The following PPA1 variants were observed in gnomAD, a reference collection of about 807,000 sequenced individuals.
The protein encoded by PPA1 is inorganic pyrophosphatase 1, also known as inorganic pyrophosphatase.
Under a neutral mutation model 41.8 loss-of-function variants are expected in PPA1, and 23 were observed. The observed-to-expected ratio is 0.55, with a 90% CI of 0.40 to 0.78. PPA1 has a LOEUF of 0.78. Among genes scored for constraint, PPA1 ranks in the 30% least tolerant of loss-of-function variants. The pLI is 0.00. For synonymous variants in PPA1, 101 were observed against 116.8 expected (o/e 0.86, Z 0.87); for missense variants, 320 against 361.6 (o/e 0.89, Z 0.93).
At chr10:70,232,222 C>T (rs1393770904) in intron 1 of PPA1, among the ~76,000 whole-genome samples, 2 of 152,190 alleles carry the variant, frequency 1.3e-5, no homozygotes, top group Non-Finnish European at 2.9e-5. Flanking sequence ...GTCTCCTCTA[C>T]TCCCCGCTTC....
chr10:70,206,414 T>C, intron 8 of PPA1, 81 bp from the exon 9 acceptor site: 1 of 994,558 alleles, frequency 1.0e-6, no homozygotes, highest in Non-Finnish European at 1.6e-6. Flanking sequence ...TTGAAAGTGG[T>C]TGACCAGGTG....
At chr10:70,232,757 A>C (rs1840302046) in intron 1 of PPA1, among the ~76,000 whole-genome samples, 1 of 152,022 alleles carries the variant, frequency 6.6e-6, no homozygotes, top group African/African-American at 2.4e-5. Flanking sequence ...TCCGGGCCTC[A>C]GTTTTCCCGT....
chr10:70,221,945 GAAGGAAAAAAATAAC>G (rs1352666448), intron 2 of PPA1, among the ~76,000 whole-genome samples: 1 of 152,026 alleles, frequency 6.6e-6, no homozygotes, highest in Non-Finnish European at 1.5e-5. Flanking sequence ...TAATTAATGG[GAAGGAAAAAAATAAC>G]AAGGAAGAAA....
chr10:70,205,157 G>T, intron 9 of PPA1: 1 of 272,998 alleles, frequency 3.7e-6, no homozygotes, highest in African/African-American at 2.2e-5. Flanking sequence ...GGCTGAAGTG[G>T]GTGGATCACA....
chr10:70,220,907 ATATAATATATATAATTTTTATATATAC>A (rs1330097964), intron 2 of PPA1, among the ~76,000 whole-genome samples: 1 of 9,060 alleles, frequency 1.1e-4, no homozygotes, highest in Non-Finnish European at 1.6e-4. Context: ...TATAATTTAT[ATATAATATATATAATTTTTATATATAC>A]TATATATATA....
chr10:70,217,607 C>T (rs2136759785), intron 4 of PPA1, among the ~76,000 whole-genome samples: 1 of 152,254 alleles, frequency 6.6e-6, no homozygotes, highest in East Asian at 1.9e-4. Flanking sequence ...ACGTTCAAAT[C>T]TGAATTTAAA....
chr10:70,223,782 C>T (rs751234966), intron 2 of PPA1, among the ~76,000 whole-genome samples: 4 of 152,162 alleles, frequency 2.6e-5, no homozygotes, highest in Admixed American at 6.5e-5. Flanking sequence ...TAAGAAATTT[C>T]GTACTACCCA....
At chr10:70,212,922 G>A (rs1365995082) in intron 6 of PPA1, among the ~76,000 whole-genome samples, 1 of 151,600 alleles carries the variant, frequency 6.6e-6, no homozygotes. Flanking sequence ...CAGACACAGA[G>A]GCCACCTATA....
At chr10:70,204,151 G>A (rs1041078487) in intron 10 of PPA1, 2 of 152,258 alleles carry the variant, frequency 1.3e-5, no homozygotes, top group East Asian at 3.8e-4. Flanking sequence ...AACCCGGCCT[G>A]ATTAGTGTTC....
chr10:70,231,756 T>G (rs1171262529), intron 1 of PPA1, among the ~76,000 whole-genome samples: 1 of 151,864 alleles, frequency 6.6e-6, no homozygotes, highest in Non-Finnish European at 1.5e-5. Flanking sequence ...ATTATTAGTA[T>G]TTCTTAAGTT....
intron 10 of PPA1, chr10:70,204,614 T>C: frequency 2.6e-6 from 1 of 382,394 alleles, no homozygotes; most frequent in Admixed American, 4.3e-5. Flanking sequence ...CACAGGATGG[T>C]GACTGTAACA....
At chr10:70,211,650 C>T (rs943444459) in intron 6 of PPA1, among the ~76,000 whole-genome samples, 1 of 152,110 alleles carries the variant, frequency 6.6e-6, no homozygotes, top group African/African-American at 2.4e-5. Flanking sequence ...CTACTTGCGC[C>T]ATGGGACCAG....
intron 2 of PPA1, among the ~76,000 whole-genome samples, chr10:70,221,758 A>G (rs1449473936): frequency 6.6e-6 from 1 of 152,216 alleles, no homozygotes; most frequent in African/African-American, 2.4e-5. Flanking sequence ...CGCCAAGATT[A>G]GCTGTTAATT....
intron 8 of PPA1, among the ~76,000 whole-genome samples, chr10:70,208,985 G>A (rs749536602): frequency 6.6e-5 from 10 of 151,868 alleles, no homozygotes; most frequent in African/African-American, 1.7e-4. Flanking sequence ...GTAGAGACAG[G>A]GTTTTTCCAT....
rs1038462527 is a variant in PPA1 at position 70,232,804 on chromosome 10, G to A, written c.64+460C>T. ...GGGGGTGGACTTGGCTCCGCTCAGC[G>A]CCGATAATCTGAGCTACGGCGGCGG... On this transcript the variant is annotated intron_variant, in intron 1 of 10. Transcript: ENST00000373232. Among the ~76,000 whole-genome samples the A allele has an allele frequency of 3.9e-5, 6 of 152,120 alleles. No homozygotes were observed. The South Asian group carries it at 6.2e-4, about 16-fold the overall frequency.
chr10:70,206,787 T>C (rs1235080700), intron 8 of PPA1, among the ~76,000 whole-genome samples: 1 of 147,322 alleles, frequency 6.8e-6, no homozygotes, highest in East Asian at 2.0e-4. Context: ...GAGATTTCAG[T>C]CAGCTGAGAT....
At chr10:70,211,852 T>C (rs759357070) in intron 6 of PPA1, among the ~76,000 whole-genome samples, 6 of 152,190 alleles carry the variant, frequency 3.9e-5, no homozygotes, top group Non-Finnish European at 7.3e-5. Flanking sequence ...TACCAAGTAG[T>C]GAACAGATGG....
At chr10:70,218,329 G>T (rs1589894303) in intron 3 of PPA1, 1 of 177,134 alleles carries the variant, frequency 5.6e-6, no homozygotes, top group East Asian at 1.5e-4. Context: ...CAAAAAAAGT[G>T]ATTACTGTTA....
intron 3 of PPA1, 128 bp downstream of exon 3, chr10:70,218,636 C>T: frequency 1.4e-6 from 1 of 719,536 alleles, no homozygotes; most frequent in South Asian, 1.8e-5. Context: ...GGAGATACAA[C>T]TAGAAAATAG....
Sources: gnomAD v4.1 joint callset for allele counts (sites outside exome capture counted in the v4.1 genomes callset) on GRCh38, gnomAD v4.1.1 for gene constraint, MANE v1.5 for transcripts, NCBI Gene and HGNC (gene_info 2026-07-23, HGNC 2026-07-21) for gene names.